The following DYNC2H1 variants were observed in gnomAD, a reference collection of about 807,000 sequenced individuals.
DYNC2H1 encodes cytoplasmic dynein 2 heavy chain 1.
Under a neutral mutation model 570.0 loss-of-function variants are expected in DYNC2H1, and 410 were observed. That is an observed-to-expected ratio of 0.72 (90% CI 0.66 to 0.78). The LOEUF (loss-of-function observed/expected upper bound fraction) is 0.78. Among genes scored for constraint, DYNC2H1 ranks in the 30% least tolerant of loss-of-function variants. DYNC2H1 has a pLI of 0.00. For missense variants in DYNC2H1, 4,865 were observed against 5,046.4 expected, an observed-to-expected ratio of 0.96 and a Z score of 1.09; for synonymous variants, 1,688 against 1,677.6, an observed-to-expected ratio of 1.01 and a Z score of -0.15.
At chr11:103,263,634 G>T (rs1318506426) in intron 70 of DYNC2H1, among the ~76,000 whole-genome samples, 3 of 151,886 alleles carry the variant, frequency 2.0e-5, no homozygotes, top group Non-Finnish European at 1.5e-5. Context: ...CAAAATTAAG[G>T]CAGAAATAAA....
rs1184814894 is a variant in DYNC2H1, at chr11:103,243,619, C to G, written c.9820-74C>G. ...TCATTTAGTAATTGATTTATAATTT[C>G]TAGAAAACTATTTCCATTTAAATGA... On this transcript the variant is annotated intron_variant, in intron 63 of 88. Transcript: ENST00000375735. The surrounding 1 kb of genome is among the most constrained non-coding windows in gnomAD (Gnocchi z 4.8). 5.3e-6 allele frequency: 6 copies of G among 1,125,910 alleles called. No individual in the cohort carries two copies. The East Asian group carries it at 1.6e-4, about 30-fold the overall frequency. 69.7% of individuals were successfully genotyped at this position (1,125,910 alleles called of 1,614,324 possible).
chr11:103,215,710 T>TATTG lies in DYNC2H1; in HGVS notation c.8695-8_8695-5dup. On this transcript the variant is annotated splice_polypyrimidine_tract_variant and intron_variant, in intron 54 of 88. Coordinates refer to ENST00000375735, the MANE Select transcript of DYNC2H1 (RefSeq NM_001377.3). The stretch of plus-strand genomic sequence containing the variant: ...TTTAAAATATTGCCGATCAATATTT[T>TATTG]ATTGATGTAGGCTGGTGTATCTAAA... 6.4e-7 allele frequency: 1 copy of TATTG among 1,570,944 alleles called. No individual in the cohort carries two copies. The highest frequency in any genetic ancestry group is 2.3e-5 in the East Asian group (1 of 44,256).
At chr11:103,315,923 C>A (rs1006113619) in intron 79 of DYNC2H1, among the ~76,000 whole-genome samples, 2 of 148,684 alleles carry the variant, frequency 1.3e-5, no homozygotes, top group South Asian at 4.3e-4. Flanking sequence ...TTCCTAATAT[C>A]CAAGTCTAAA....
At chr11:103,331,700 A>G (rs1205938205) in intron 82 of DYNC2H1, among the ~76,000 whole-genome samples, 1 of 152,248 alleles carries the variant, frequency 6.6e-6, no homozygotes, top group Non-Finnish European at 1.5e-5. Flanking sequence ...GAGAACCAGA[A>G]TAAGATAAGA....
intron 31 of DYNC2H1, among the ~76,000 whole-genome samples, chr11:103,167,340 T>A (rs565826340): frequency 6.6e-6 from 1 of 152,000 alleles, no homozygotes; most frequent in East Asian, 1.9e-4. Flanking sequence ...AGACTGTGGC[T>A]CACTGCAGCC....
At chr11:103,389,317 A>G (rs1217118004) in intron 83 of DYNC2H1, among the ~76,000 whole-genome samples, 19 of 152,156 alleles carry the variant, frequency 1.2e-4, no homozygotes, top group Admixed American at 9.8e-4. Flanking sequence ...CTCTGATGGT[A>G]GTTTGTATTT....
In DYNC2H1 at chr11:103,165,906, C is replaced by T; in HGVS notation, c.4620C>T (p.Cys1540=). Residue 1540 remains cysteine (C), a synonymous_variant, in exon 31 of 89, where the codon TGC becomes TGT. Coordinates refer to ENST00000375735, the MANE Select transcript of DYNC2H1 (RefSeq NM_001377.3). ...TTCTCTTTATTCAATAGATTTTATGCTTGGCGGAGCAGATTAAATTCACTG... is the reference window on the plus strand; with the variant it reads ...TTCTCTTTATTCAATAGATTTTATGTTTGGCGGAGCAGATTAAATTCACTG... The part of the protein sequence containing the change: ...DPSLFPSQIL[C]LAEQIKFTED... The T allele has an allele frequency of 6.8e-7, 1 of 1,476,950 alleles. No individual in the cohort carries two copies. The highest frequency in any genetic ancestry group is 9.0e-7 in the Non-Finnish European group (1 of 1,115,220). The allele number at this position is 1,476,950 out of a possible 1,614,324, so 91.5% of individuals were successfully genotyped here. A position where few individuals can be genotyped will look rare whatever the true frequency, so the allele number is the denominator to read the frequency against.
rs1426151830 is a variant in DYNC2H1 at position 103,188,592 on chromosome 11, G to A, written c.7236G>A (p.Leu2412=). ...IVASMSAGGR[L]GRHKLTTRFT... The stretch of plus-strand genomic sequence containing the variant: ...CTTCTATGTCAGCTGGAGGAAGACT[G>A]GGAAGACATAAACTTACTACCAGAT... Residue 2412 remains leucine (L), a synonymous_variant, in exon 44 of 89, where the codon CTG becomes CTA. Coordinates refer to ENST00000375735, the MANE Select transcript of DYNC2H1 (RefSeq NM_001377.3). 6.2e-7 allele frequency: 1 copy of A among 1,610,640 alleles called. No individual in the cohort carries two copies. Among genetic ancestry groups the A allele is most frequent in the Non-Finnish European group, 8.5e-7 (1 of 1,178,012 alleles).
chr11:103,186,711 C>T lies in DYNC2H1; in HGVS notation c.6893+210C>T, dbSNP rs533797786. Among the ~76,000 whole-genome samples, 8 of 147,540 alleles carry T rather than the reference C, an allele frequency of 5.4e-5. No individual in the cohort carries two copies. In the South Asian group the frequency reaches 1.7e-3, roughly 31 times the overall value. On this transcript the variant is annotated intron_variant, in intron 42 of 88. Transcript: ENST00000375735. The surrounding 1 kb of genome is among the most constrained non-coding windows in gnomAD (Gnocchi z 4.5). The stretch of plus-strand genomic sequence containing the variant: ...GGTTGTGTGATTTCTACTGGAAAGA[C>T]AGCAATCTGAGAAGATACTCTTAAA...
intron 82 of DYNC2H1, among the ~76,000 whole-genome samples, chr11:103,346,756 T>G (rs141642698): frequency 7.9e-5 from 12 of 152,180 alleles, no homozygotes; most frequent in Non-Finnish European, 1.5e-4. Flanking sequence ...TATTTCAAGA[T>G]AACAAAAGAA....
chr11:103,290,302 G>A (rs1298739017), intron 75 of DYNC2H1, among the ~76,000 whole-genome samples: 1 of 152,044 alleles, frequency 6.6e-6, no homozygotes, highest in Non-Finnish European at 1.5e-5. Flanking sequence ...TCACTTTTTA[G>A]ACTGGTCACC....
rs138906339 is a variant in DYNC2H1 at position 103,463,707 on chromosome 11, T to C, written c.12649-4882T>C. 9.2e-3 allele frequency among the ~76,000 whole-genome samples: 1,403 copies of C among 152,268 alleles called. 16 individuals carry two copies. Among genetic ancestry groups the C allele is most frequent in the African/African-American group, 0.032 (1,327 of 41,530 alleles). ...TCAAGGCTGCAGTGAGTCATGATCA[T>C]GCCACTGTATTCCAGCCTGGGCAAT... On this transcript the variant is annotated intron_variant, in intron 87 of 88. Transcript: ENST00000375735.
rs552108072 is a variant in DYNC2H1 at position 103,439,137 on chromosome 11, TAAGAG to T, written c.12456+3111_12456+3115del. ...AAAGATAGAACTGAATAAACAACAGTAAGAGAAGAGTGATAAAGGAAGTACAGTAT... is the reference window on the plus strand; with the variant it reads ...AAAGATAGAACTGAATAAACAACAGTAAGAGTGATAAAGGAAGTACAGTAT... On this transcript the variant is annotated intron_variant, in intron 85 of 88. Coordinates refer to ENST00000375735, the MANE Select transcript of DYNC2H1 (RefSeq NM_001377.3). The surrounding 1 kb of genome is among the most constrained non-coding windows in gnomAD (Gnocchi z 4.1). Among the ~76,000 whole-genome samples the T allele has an allele frequency of 5.1e-3, 776 of 152,112 alleles. 4 individuals are homozygous for T. The highest frequency in any genetic ancestry group is 0.017 in the African/African-American group (710 of 41,510).
At chr11:103,455,339 T>A in intron 86 of DYNC2H1, 44 bp downstream of exon 86, 1 of 1,539,290 alleles carries the variant, frequency 6.5e-7, no homozygotes, top group South Asian at 1.1e-5. Flanking sequence ...CTGACGGTAA[T>A]TAGTTTTGCT....
At chr11:103,113,453 A>G in intron 1 of DYNC2H1, 84 bp from the exon 2 acceptor site, 1 of 1,100,760 alleles carries the variant, frequency 9.1e-7, no homozygotes, top group Non-Finnish European at 1.2e-6. Context: ...CAAGAGGTAT[A>G]ATTATAGTGA....
At chr11:103,137,845 C>T (rs1020606126) in intron 17 of DYNC2H1, among the ~76,000 whole-genome samples, 1 of 151,394 alleles carries the variant, frequency 6.6e-6, no homozygotes, top group South Asian at 2.1e-4. Context: ...GATGTTGATT[C>T]TTCCTACCCA....
chr11:103,418,336 T>C (rs934201728), intron 84 of DYNC2H1, among the ~76,000 whole-genome samples: 1 of 152,190 alleles, frequency 6.6e-6, no homozygotes, highest in Non-Finnish European at 1.5e-5. Context: ...TTGTGGGATA[T>C]AAGGTAAATA....
rs1180531454 is a variant in DYNC2H1 at position 103,309,166 on chromosome 11, CTAT to C, written c.11493+1337_11493+1339del. On this transcript the variant is annotated intron_variant, in intron 78 of 88. Coordinates refer to ENST00000375735, the MANE Select transcript of DYNC2H1 (RefSeq NM_001377.3). ...TTTTATTAGTGTTTGTAACTGCATG[CTAT>C]TTTTTTTTTTTTTTTTTTTTTTTGA... Among the ~76,000 whole-genome samples, 7 of 56,566 alleles carry C rather than the reference CTAT, an allele frequency of 1.2e-4. No individual in the cohort carries two copies. The East Asian group carries it at 2.3e-3, about 19-fold the overall frequency. The allele number at this position is 56,566 out of a possible 152,430, so 37.1% of individuals were successfully genotyped here. A position where few individuals can be genotyped will look rare whatever the true frequency, so the allele number is the denominator to read the frequency against.
chr11:103,192,429 A>C (rs1056712548), intron 47 of DYNC2H1, among the ~76,000 whole-genome samples, 165 bp downstream of exon 47: 11 of 152,174 alleles, frequency 7.2e-5, no homozygotes, highest in African/African-American at 2.7e-4. Context: ...GGATTTCAGT[A>C]ATCATGTTTC....
Sources: gnomAD v4.1 joint callset for allele counts (sites outside exome capture counted in the v4.1 genomes callset) on GRCh38, gnomAD v4.1.1 for gene constraint, Gnocchi (gnomAD v3.1) non-coding constraint, MANE v1.5 for transcripts, NCBI Gene and HGNC (gene_info 2026-07-23, HGNC 2026-07-21) for gene names.